VEPH1: variants seen among roughly 807,000 people sequenced by gnomAD.
VEPH1 encodes ventricular zone expressed PH domain containing 1, also known as ventricular zone-expressed PH domain-containing protein homolog 1.
Under a neutral mutation model 85.2 loss-of-function variants are expected in VEPH1, and 80 were observed. The observed-to-expected ratio is 0.94, with a 90% confidence interval of 0.78 to 1.13. The LOEUF is 1.13. VEPH1 is among the 50% of genes most tolerant of loss of function. The probability of loss-of-function intolerance (pLI) is 0.00; values close to 1 mark genes in which losing one functional copy is unlikely to be tolerated. For synonymous variants in VEPH1, 297 were observed against 348.0 expected, an observed-to-expected ratio of 0.85 and a Z score of 1.63; for missense variants, 955 against 980.5, an observed-to-expected ratio of 0.97 and a Z score of 0.35.
chr3:157,273,228 T>C (rs78387331), intron 12 of VEPH1, among the ~76,000 whole-genome samples: 2 of 152,372 alleles, frequency 1.3e-5, no homozygotes, highest in Non-Finnish European at 2.9e-5. Context: ...CCCATTCTTC[T>C]ATTCAAAATG....
intron 3 of VEPH1, among the ~76,000 whole-genome samples, chr3:157,462,045 A>G (rs4680369): frequency 0.17 from 25,552 of 147,878 alleles, 2,826 homozygotes; most frequent in East Asian, 0.38. Flanking sequence ...AATGTATTTT[A>G]TATATATAAT....
At chr3:157,322,549 A>C (rs1041344099) in intron 9 of VEPH1, among the ~76,000 whole-genome samples, 1 of 152,208 alleles carries the variant, frequency 6.6e-6, no homozygotes, top group Non-Finnish European at 1.5e-5. Context: ...TTAGAAATGA[A>C]ATTTTTATCT....
intron 1 of VEPH1, among the ~76,000 whole-genome samples, chr3:157,502,215 A>T (rs1740171202): frequency 6.6e-6 from 1 of 152,248 alleles, no homozygotes; most frequent in South Asian, 2.1e-4. Context: ...CTAAGTTTGT[A>T]GCAGGCTTAT....
At chr3:157,461,025 C>T (rs762553737) in intron 3 of VEPH1, among the ~76,000 whole-genome samples, 14 of 152,080 alleles carry the variant, frequency 9.2e-5, no homozygotes, top group Non-Finnish European at 1.6e-4. Context: ...TTGAACAAGT[C>T]GCTTTTTGCC....
chr3:157,405,052 A>T (rs1386568538), intron 6 of VEPH1, among the ~76,000 whole-genome samples: 1 of 152,062 alleles, frequency 6.6e-6, no homozygotes, highest in Non-Finnish European at 1.5e-5. Flanking sequence ...CACAGACACC[A>T]GTGTAGGAAA....
chr3:157,487,376 A>G (rs1738746696), intron 2 of VEPH1, among the ~76,000 whole-genome samples: 1 of 152,156 alleles, frequency 6.6e-6, no homozygotes, highest in Admixed American at 6.5e-5. Flanking sequence ...ATACTTTACC[A>G]AAAGTGACTG....
intron 6 of VEPH1, among the ~76,000 whole-genome samples, chr3:157,391,081 T>G (rs918660087): frequency 6.6e-6 from 1 of 152,240 alleles, no homozygotes; most frequent in African/African-American, 2.4e-5. Flanking sequence ...GGCCAGATCT[T>G]GTACTTTGTC....
chr3:157,460,952 G>A (rs1272556316), intron 3 of VEPH1, among the ~76,000 whole-genome samples: 2 of 152,070 alleles, frequency 1.3e-5, no homozygotes, highest in Admixed American at 6.6e-5. Flanking sequence ...TAGGGTAATC[G>A]GGGGCCACTG....
chr3:157,419,118 G>A (rs1477176874), intron 5 of VEPH1, among the ~76,000 whole-genome samples: 1 of 152,116 alleles, frequency 6.6e-6, no homozygotes, highest in African/African-American at 2.4e-5. Context: ...TGGGAGAAGT[G>A]GCTAGCCATA....
intron 9 of VEPH1, among the ~76,000 whole-genome samples, chr3:157,334,271 G>A (rs536323954): frequency 6.6e-6 from 1 of 152,214 alleles, no homozygotes; most frequent in South Asian, 2.1e-4. Context: ...TGAATAGAAA[G>A]CAACTAATTT....
intron 11 of VEPH1, among the ~76,000 whole-genome samples, chr3:157,302,100 C>G (rs1348590997): frequency 1.3e-5 from 2 of 150,708 alleles, no homozygotes; most frequent in Admixed American, 6.6e-5. Context: ...TTTGATTCCT[C>G]ATTTCCCCTC....
intron 11 of VEPH1, among the ~76,000 whole-genome samples, chr3:157,288,176 G>T (rs999037438): frequency 4.6e-5 from 7 of 152,196 alleles, no homozygotes; most frequent in African/African-American, 1.7e-4. Flanking sequence ...ATTCTTAAAA[G>T]GCTCCTCCTC....
chr3:157,363,885 T>A, intron 8 of VEPH1, 124 bp from the exon 9 acceptor site: 1 of 1,111,752 alleles, frequency 9.0e-7, no homozygotes, highest in Non-Finnish European at 1.2e-6. Context: ...TTAACAGGCC[T>A]GATAAATGTA....
At chr3:157,454,459 A>C (rs560874502) in intron 4 of VEPH1, among the ~76,000 whole-genome samples, 1 of 152,316 alleles carries the variant, frequency 6.6e-6, no homozygotes, top group African/African-American at 2.4e-5. Flanking sequence ...AATGAGCTTA[A>C]GTTAGGAACA....
At chr3:157,414,120 G>C in intron 5 of VEPH1, 30 bp from the exon 6 acceptor site, 9 of 1,480,452 alleles carry the variant, frequency 6.1e-6, no homozygotes, top group Non-Finnish European at 5.6e-6. Flanking sequence ...GAGGAGGGAA[G>C]AAAGAAGGAA....
intron 11 of VEPH1, among the ~76,000 whole-genome samples, chr3:157,297,570 G>A (rs188896788): frequency 7.2e-5 from 11 of 152,188 alleles, no homozygotes; most frequent in African/African-American, 2.6e-4. Context: ...AGCATTAAAT[G>A]GGAGGGTGGA....
chr3:157,319,930 C>T lies in VEPH1; in HGVS notation c.1736-2729G>A, dbSNP rs188433889. Reference sequence around the variant, plus strand: ...AATACATCAGTTCTGTGATATAAGGCTTCTGTGAATGCTTTCAGTACATCT... The same window carrying T: ...AATACATCAGTTCTGTGATATAAGGTTTCTGTGAATGCTTTCAGTACATCT... On this transcript the variant is annotated intron_variant, in intron 9 of 13. Transcript: ENST00000362010. Among the ~76,000 whole-genome samples, 257 of 152,286 alleles carry T rather than the reference C, an allele frequency of 1.7e-3. 2 individuals carry two copies. In the Middle Eastern group the frequency reaches 0.017, roughly 10 times the overall value.
At chr3:157,473,067 CTTTTTTT>C (rs200991031) in intron 2 of VEPH1, among the ~76,000 whole-genome samples, 7 of 82,692 alleles carry the variant, frequency 8.5e-5, no homozygotes, top group East Asian at 3.9e-4. Context: ...TTAAATGAAC[CTTTTTTT>C]TTTTTTTTTT....
intron 6 of VEPH1, among the ~76,000 whole-genome samples, chr3:157,398,022 A>G (rs1276450716): frequency 6.6e-6 from 1 of 152,070 alleles, no homozygotes; most frequent in Non-Finnish European, 1.5e-5. Flanking sequence ...TCCTCTGTCA[A>G]CCAATCACAG....
Sources: allele counts gnomAD v4.1 joint callset (sites outside exome capture counted in the v4.1 genomes callset), GRCh38; gene constraint gnomAD v4.1.1; transcripts MANE v1.5; gene names NCBI Gene and HGNC (gene_info 2026-07-23, HGNC 2026-07-21).